The following WWOX variants were observed in gnomAD, a reference collection of about 807,000 sequenced individuals.
WWOX encodes WW domain containing oxidoreductase.
Under a neutral mutation model 46.2 loss-of-function variants are expected in WWOX, and 69 were observed. The observed-to-expected ratio is 1.49, with a 90% CI of 1.23 to 1.82. The LOEUF is 1.82. WWOX is among the 40% of genes most tolerant of loss of function. WWOX has a pLI of 0.00. For missense variants in WWOX, 919 were observed against 542.6 expected, an observed-to-expected ratio of 1.69 and a Z score of -6.89; for synonymous variants, 359 against 202.6, an observed-to-expected ratio of 1.77 and a Z score of -6.56.
intron 8 of WWOX, among the ~76,000 whole-genome samples, chr16:78,951,542 AG>A (rs1320236748): frequency 6.6e-6 from 1 of 152,200 alleles, no homozygotes; most frequent in African/African-American, 2.4e-5. Context: ...TTGCTGGAAA[AG>A]GGGACATGGG....
chr16:78,896,785 G>T (rs899324383), intron 8 of WWOX: 2 of 151,956 alleles, frequency 1.3e-5, no homozygotes, highest in Non-Finnish European at 2.9e-5. Context: ...GAGAGAAAAT[G>T]TATATGCATA....
At chr16:78,635,091 G>T (rs1293862610) in intron 8 of WWOX, among the ~76,000 whole-genome samples, 1 of 152,144 alleles carries the variant, frequency 6.6e-6, no homozygotes, top group Non-Finnish European at 1.5e-5. Context: ...CTTGCCCAAT[G>T]TGATTACGCC....
chr16:78,722,200 T>C (rs966245004), intron 8 of WWOX, among the ~76,000 whole-genome samples: 1 of 152,192 alleles, frequency 6.6e-6, no homozygotes, highest in Admixed American at 6.5e-5. Context: ...CAAGGCACGA[T>C]GACCGCAGCT....
Position 79,141,643 on chromosome 16 carries a change from C to G in WWOX, c.1057-69965C>G, listed in dbSNP as rs114400314. 4.0e-3 allele frequency among the ~76,000 whole-genome samples: 614 copies of G among 152,274 alleles called. 6 individuals carry two copies. The highest frequency in any genetic ancestry group is 0.014 in the African/African-American group (581 of 41,542). On this transcript the variant is annotated intron_variant, in intron 8 of 8. Transcript: ENST00000566780. The stretch of plus-strand genomic sequence containing the variant: ...AGAAGTTTGGGGTGAAAACACATGA[C>G]AGTTTCTTGTTCATATTTGGCCAGA...
At chr16:78,414,624 G>C (rs1010283894) in intron 6 of WWOX, among the ~76,000 whole-genome samples, 5 of 152,146 alleles carry the variant, frequency 3.3e-5, no homozygotes, top group Admixed American at 3.3e-4. Flanking sequence ...GCCAATCTTA[G>C]GTTCTACAAC....
At chr16:79,171,034 G>A (rs1339301600) in intron 8 of WWOX, among the ~76,000 whole-genome samples, 1 of 152,216 alleles carries the variant, frequency 6.6e-6, no homozygotes, top group Admixed American at 6.5e-5. Context: ...GGATTAGTCA[G>A]CCTAGAGAAG....
In WWOX at chr16:79,193,929, C is replaced by T. The variant is rs143331229; in HGVS notation, c.1057-17679C>T. On this transcript the variant is annotated intron_variant, in intron 8 of 8. Coordinates refer to ENST00000566780, the MANE Select transcript of WWOX (RefSeq NM_016373.4). ...CAACATGGCCTTTGGAGTCACAGGA[C>T]GTGAGTTTGGATCCCAGCTCTGCCA... 4.3e-3 allele frequency among the ~76,000 whole-genome samples: 653 copies of T among 152,274 alleles called. 2 individuals carry two copies. Among genetic ancestry groups the T allele is most frequent in the Middle Eastern group, 6.8e-3 (2 of 294 alleles).
intron 8 of WWOX, among the ~76,000 whole-genome samples, chr16:78,694,419 C>A (rs916380731): frequency 6.6e-6 from 1 of 152,176 alleles, no homozygotes; most frequent in Non-Finnish European, 1.5e-5. Flanking sequence ...AATGCCCTTC[C>A]CATTGTCAAG....
At chr16:78,420,564 A>C (rs1417711312) in intron 6 of WWOX, among the ~76,000 whole-genome samples, 2 of 151,974 alleles carry the variant, frequency 1.3e-5, no homozygotes, top group Admixed American at 6.6e-5. Flanking sequence ...AAATGTCCGG[A>C]ATAGGCGAAT....
At chr16:78,395,039 C>G (rs539234299) in intron 6 of WWOX, among the ~76,000 whole-genome samples, 13 of 152,346 alleles carry the variant, frequency 8.5e-5, no homozygotes, top group African/African-American at 3.1e-4. Context: ...CCAGACACAT[C>G]TCACTTTATG....
At chr16:78,292,748 T>A (rs2079880155) in intron 5 of WWOX, among the ~76,000 whole-genome samples, 1 of 152,084 alleles carries the variant, frequency 6.6e-6, no homozygotes, top group Admixed American at 6.6e-5. Context: ...TACCCTAAAG[T>A]GTTTGGAGGG....
intron 8 of WWOX, among the ~76,000 whole-genome samples, chr16:79,096,016 A>ATTTTTTTTTTTT (rs57621801): frequency 3.7e-5 from 3 of 82,054 alleles, no homozygotes; most frequent in African/African-American, 1.1e-4. Flanking sequence ...CACCCGGATA[A>ATTTTTTTTTTTT]TTTTTTTTTT....
intron 8 of WWOX, among the ~76,000 whole-genome samples, chr16:78,944,924 A>T (rs1048430308): frequency 2.0e-5 from 3 of 152,170 alleles, no homozygotes; most frequent in African/African-American, 7.2e-5. Context: ...CACACCTGTA[A>T]TCCCAGCACT....
At chr16:78,923,594 C>G (rs1016973552) in intron 8 of WWOX, among the ~76,000 whole-genome samples, 51 of 151,950 alleles carry the variant, frequency 3.4e-4, no homozygotes, top group African/African-American at 1.1e-3. Context: ...GCTTTTTCTA[C>G]AAATCTCTTG....
chr16:78,747,534 C>A (rs574405786), intron 8 of WWOX, among the ~76,000 whole-genome samples: 1 of 152,134 alleles, frequency 6.6e-6, no homozygotes, highest in South Asian at 2.1e-4. Context: ...AATGAGCCTT[C>A]GTAATGTTCA....
At chr16:78,925,987 G>C (rs1379763166) in intron 8 of WWOX, among the ~76,000 whole-genome samples, 2 of 152,224 alleles carry the variant, frequency 1.3e-5, no homozygotes, top group East Asian at 3.9e-4. Flanking sequence ...GAGAAGGGAA[G>C]GGATGTGGGG....
chr16:79,121,539 G>C (rs1205519598), intron 8 of WWOX, among the ~76,000 whole-genome samples: 1 of 152,136 alleles, frequency 6.6e-6, no homozygotes, highest in African/African-American at 2.4e-5. Flanking sequence ...TCGTCTACTT[G>C]AACTTCCAGG....
chr16:79,023,716 G>T (rs1296683367), intron 8 of WWOX, among the ~76,000 whole-genome samples: 1 of 151,258 alleles, frequency 6.6e-6, no homozygotes, highest in African/African-American at 2.4e-5. Flanking sequence ...GGTCTCAGAA[G>T]TTCGAGACCA....
chr16:79,048,154 A>T (rs1327354516), intron 8 of WWOX, among the ~76,000 whole-genome samples: 2 of 152,158 alleles, frequency 1.3e-5, no homozygotes, highest in African/African-American at 2.4e-5. Flanking sequence ...AGCATGGAGA[A>T]GCTTCCTTCA....
Sources: gnomAD v4.1 joint callset for allele counts (sites outside exome capture counted in the v4.1 genomes callset) on GRCh38, gnomAD v4.1.1 for gene constraint, MANE v1.5 for transcripts, NCBI Gene and HGNC (gene_info 2026-07-23, HGNC 2026-07-21) for gene names.